The following EXOC4 variants were observed in gnomAD, a reference collection of about 807,000 sequenced individuals.
EXOC4 encodes exocyst complex component 4.
Under a neutral mutation model 107.2 loss-of-function variants are expected in EXOC4, and 71 were observed. That is an observed-to-expected ratio of 0.66 (90% confidence interval 0.55 to 0.81). The LOEUF (loss-of-function observed/expected upper bound fraction) is 0.81, where lower values mean the gene tolerates loss of function less well. Ranked by LOEUF, EXOC4 falls within the 30% of genes least tolerant of loss-of-function variation. The pLI is 0.00. For synonymous variants in EXOC4, 456 were observed against 441.2 expected, an observed-to-expected ratio of 1.03 and a Z score of -0.42; for missense variants, 1,108 against 1,189.6, an observed-to-expected ratio of 0.93 and a Z score of 1.01.
the EXOC4 span, among the ~76,000 whole-genome samples, chr7:134,093,126 T>C: frequency 7.2e-4 from 109 of 152,142 alleles, 1 homozygote; most frequent in Middle Eastern, 3.4e-3. Context: ...GCCATTTACA[T>C]TGGATTAAAA....
intron 9 of EXOC4, among the ~76,000 whole-genome samples, chr7:133,567,393 G>A (rs1800928313): frequency 6.6e-6 from 1 of 151,300 alleles, no homozygotes; most frequent in South Asian, 2.1e-4. Context: ...GTATTACGTT[G>A]TATTGTTACA....
At chr7:134,004,068 A>T (rs1291216898) in intron 15 of EXOC4, among the ~76,000 whole-genome samples, 1 of 152,038 alleles carries the variant, frequency 6.6e-6, no homozygotes, top group African/African-American at 2.4e-5. Context: ...ACGTGGATGG[A>T]TGTGCTTAGA....
At chr7:133,751,369 T>C (rs1042854413) in intron 10 of EXOC4, among the ~76,000 whole-genome samples, 1 of 152,152 alleles carries the variant, frequency 6.6e-6, no homozygotes, top group Non-Finnish European at 1.5e-5. Context: ...ATTTTGGGGC[T>C]GGGAAGGGTT....
At chr7:133,536,099 A>G (rs1421832806) in intron 9 of EXOC4, among the ~76,000 whole-genome samples, 2 of 152,154 alleles carry the variant, frequency 1.3e-5, no homozygotes, top group Non-Finnish European at 2.9e-5. Flanking sequence ...TTGCTGCTCC[A>G]CTTACTAGCT....
chr7:133,923,128 CTTTTTTT>C lies in EXOC4; in HGVS notation c.2027+5403_2027+5409del, dbSNP rs35715979. 2.7e-3 allele frequency among the ~76,000 whole-genome samples: 344 copies of C among 126,526 alleles called. 7 individuals carry two copies. The highest frequency in any genetic ancestry group is 9.7e-3 in the African/African-American group (322 of 33,280). The allele number at this position is 126,526 out of a possible 152,430, so 83.0% of individuals were successfully genotyped here. A position where few individuals can be genotyped will look rare whatever the true frequency, so the allele number is the denominator to read the frequency against. ...TCCAAAGTGGTGGTAAGAGTTTACACTTTTTTTTTTTTTTTTTTTGAGACAGAGTTTC... is the reference window on the plus strand; with the variant it reads ...TCCAAAGTGGTGGTAAGAGTTTACACTTTTTTTTTTTTGAGACAGAGTTTC... On this transcript the variant is annotated intron_variant, in intron 13 of 17. Coordinates refer to ENST00000253861, the MANE Select transcript of EXOC4 (RefSeq NM_021807.4).
At chr7:133,827,497 A>G (rs1308040823) in intron 11 of EXOC4, among the ~76,000 whole-genome samples, 1 of 152,248 alleles carries the variant, frequency 6.6e-6, no homozygotes, top group Non-Finnish European at 1.5e-5. Flanking sequence ...TATATAATAT[A>G]GCCAGCTAGG....
intron 9 of EXOC4, among the ~76,000 whole-genome samples, chr7:133,604,706 C>CCTTCTTTTTTT (rs1191856891): frequency 2.3e-5 from 2 of 87,536 alleles, no homozygotes; most frequent in African/African-American, 8.8e-5. Flanking sequence ...TTCCTTCCTT[C>CCTTCTTTTTTT]TTTCTTTTTT....
chr7:133,318,801 A>G (rs1239743347), intron 5 of EXOC4, among the ~76,000 whole-genome samples: 2 of 152,212 alleles, frequency 1.3e-5, no homozygotes, highest in Non-Finnish European at 2.9e-5. Flanking sequence ...ATAGAATTTG[A>G]TAATAGATTT....
chr7:134,085,212 A>G, the EXOC4 span, among the ~76,000 whole-genome samples: 1 of 152,154 alleles, frequency 6.6e-6, no homozygotes, highest in Non-Finnish European at 1.5e-5. Flanking sequence ...ACTTTAATAC[A>G]TCATAACTGG....
At chr7:133,272,784 A>G (rs1213075276) in intron 1 of EXOC4, among the ~76,000 whole-genome samples, 1 of 152,176 alleles carries the variant, frequency 6.6e-6, no homozygotes, top group Non-Finnish European at 1.5e-5. Context: ...AGTAGGCCCA[A>G]TTTCCTCTCT....
chr7:133,857,876 G>T (rs1267291432), intron 11 of EXOC4, among the ~76,000 whole-genome samples: 2 of 152,090 alleles, frequency 1.3e-5, no homozygotes, highest in African/African-American at 4.8e-5. Context: ...GGCGTGGGGG[G>T]AGGCATGTCT....
intron 14 of EXOC4, among the ~76,000 whole-genome samples, chr7:133,990,737 A>G (rs774336569): frequency 2.1e-4 from 32 of 152,192 alleles, no homozygotes; most frequent in Non-Finnish European, 4.4e-4. Flanking sequence ...TACAGGCATG[A>G]GCCACTGTGC....
At position 133,390,671 on chromosome 7, in the gene EXOC4, C is replaced by G. The variant is rs564799625; in HGVS notation, c.1182+15669C>G. On this transcript the variant is annotated intron_variant, in intron 7 of 17. Coordinates refer to ENST00000253861, the MANE Select transcript of EXOC4 (RefSeq NM_021807.4). ...TGGGGCACCAACAGTTCCCTTGTGT[C>G]CTCTCCTGCTGTTTCTCTCTTATAT... 8.5e-5 allele frequency among the ~76,000 whole-genome samples: 13 copies of G among 152,256 alleles called. No individual in the cohort carries two copies. The South Asian group carries it at 2.3e-3, about 27-fold the overall frequency.
chr7:133,369,944 A>G (rs544104143), intron 6 of EXOC4, among the ~76,000 whole-genome samples: 2 of 151,426 alleles, frequency 1.3e-5, no homozygotes, highest in South Asian at 4.2e-4. Flanking sequence ...AGCTGGGATT[A>G]CAGGCATGCA....
At chr7:133,951,375 C>T (rs1214816474) in intron 14 of EXOC4, among the ~76,000 whole-genome samples, 1 of 152,208 alleles carries the variant, frequency 6.6e-6, no homozygotes, top group Non-Finnish European at 1.5e-5. Flanking sequence ...GGTCAACTAA[C>T]GTATACACAA....
At chr7:133,398,274 C>T (rs979711530) in intron 7 of EXOC4, among the ~76,000 whole-genome samples, 27 of 152,256 alleles carry the variant, frequency 1.8e-4, no homozygotes, top group Admixed American at 9.1e-4. Context: ...CAAGCTATCT[C>T]CTCACTCCAG....
rs555537821 is a variant in EXOC4, at chr7:133,846,751, C to T, written c.1734+29207C>T. ...ATGCATGTGGCTGTGTTCCAGTAAACTGTATTTACAAAAGTGGGTGGCAGG... is the reference window on the plus strand; with the variant it reads ...ATGCATGTGGCTGTGTTCCAGTAAATTGTATTTACAAAAGTGGGTGGCAGG... On this transcript the variant is annotated intron_variant, in intron 11 of 17. Transcript: ENST00000253861. 3.9e-5 allele frequency among the ~76,000 whole-genome samples: 6 copies of T among 152,274 alleles called. No individual in the cohort carries two copies. The South Asian group carries it at 1.2e-3, about 32-fold the overall frequency.
intron 6 of EXOC4, 134 bp downstream of exon 6, chr7:133,356,707 G>A (rs780425149): frequency 1.4e-5 from 15 of 1,046,136 alleles, no homozygotes; most frequent in Middle Eastern, 3.1e-4. Context: ...CAGGCCAGGC[G>A]CAGTGGCTCA....
chr7:133,568,611 G>C (rs1424117225), intron 9 of EXOC4, among the ~76,000 whole-genome samples: 1 of 152,094 alleles, frequency 6.6e-6, no homozygotes, highest in East Asian at 1.9e-4. Context: ...TTTTCATTGA[G>C]TATCATTTAT....
Sources: gnomAD v4.1 joint callset for allele counts (sites outside exome capture counted in the v4.1 genomes callset) on GRCh38, gnomAD v4.1.1 for gene constraint, MANE v1.5 for transcripts, NCBI Gene and HGNC (gene_info 2026-07-23, HGNC 2026-07-21) for gene names.